COL7A1: variants seen among roughly 807,000 people sequenced by gnomAD.
COL7A1 encodes collagen type VII alpha 1 chain.
COL7A1 carries 296 observed loss-of-function variants against 456.2 expected under a neutral mutation model. The observed-to-expected ratio is 0.65, with a 90% CI of 0.59 to 0.71. The LOEUF (loss-of-function observed/expected upper bound fraction) is 0.71, where lower values mean the gene tolerates loss of function less well. Among genes scored for constraint, COL7A1 ranks in the 30% least tolerant of loss-of-function variants. COL7A1 has a pLI of 0.00. For synonymous variants in COL7A1, 1,464 were observed against 1,525.9 expected (o/e 0.96, Z 0.95); for missense variants, 3,441 against 4,017.2 (o/e 0.86, Z 3.88).
At position 48,572,763 on chromosome 3, in the gene COL7A1, C is replaced by T. The variant is rs776255321; in HGVS notation, c.6832-24G>A. 2.5e-6 allele frequency: 4 copies of T among 1,610,916 alleles called. No individual in the cohort carries two copies. Among genetic ancestry groups the T allele is most frequent in the East Asian group, 4.5e-5 (2 of 44,716 alleles). The stretch of plus-strand genomic sequence containing the variant: ...CCCTATGGCAGAGCAGCGTGAGGAA[C>T]TCAGTGCCTCTCCACCACCACCCCT... On this transcript the variant is annotated intron_variant, in intron 87 of 118. Coordinates refer to ENST00000681320, the MANE Select transcript of COL7A1 (RefSeq NM_000094.4). The surrounding 1 kb of genome is among the most constrained non-coding windows in gnomAD (Gnocchi z 4.6).
Position 48,573,773 on chromosome 3 carries a change from A to C in COL7A1, c.6538-48T>G. 2 of 1,613,844 alleles carry C rather than the reference A, an allele frequency of 1.2e-6. No homozygotes were observed. The highest frequency in any genetic ancestry group is 1.7e-6 in the Non-Finnish European group (2 of 1,179,936). ...GATGAGGGGGAGTTAGCCGCACCCC[A>C]CCAAGGAAACTGAGGCAGTACTGGT... On this transcript the variant is annotated intron_variant, in intron 81 of 118. Coordinates refer to ENST00000681320, the MANE Select transcript of COL7A1 (RefSeq NM_000094.4). This position sits in a 1 kb window ranked among gnomAD's most constrained non-coding sequence, Gnocchi z 5.5.
intron 65 of COL7A1, 142 bp from the exon 66 acceptor site, chr3:48,577,169 G>A (rs2044370079): frequency 8.4e-7 from 1 of 1,189,238 alleles, no homozygotes; most frequent in Non-Finnish European, 1.2e-6. Context: ...CATGGCCTGT[G>A]GCCGTCTGAG....
Position 48,580,507 on chromosome 3 carries a change from G to A in COL7A1, c.5052+74C>T. The stretch of plus-strand genomic sequence containing the variant: ...AGGGTTTAGCATTACAGGGTTGGGG[G>A]GTAGGATCAGGTATTGGGAATTGGC... On this transcript the variant is annotated intron_variant, in intron 55 of 118. Coordinates refer to ENST00000681320, the MANE Select transcript of COL7A1 (RefSeq NM_000094.4). The surrounding 1 kb of genome is among the most constrained non-coding windows in gnomAD (Gnocchi z 4.5). 1 of 1,536,348 alleles carries A rather than the reference G, an allele frequency of 6.5e-7. No homozygotes were observed. The highest frequency in any genetic ancestry group is 1.7e-5 in the Admixed American group (1 of 57,634).
Position 48,587,340 on chromosome 3 carries a change from C to A in COL7A1, c.2993-4G>T, listed in dbSNP as rs755862446. The A allele has an allele frequency of 6.2e-7, 1 of 1,606,932 alleles. No homozygotes were observed. The highest frequency in any genetic ancestry group is 8.5e-7 in the Non-Finnish European group (1 of 1,176,782). On this transcript the variant is annotated splice_region_variant and splice_polypyrimidine_tract_variant and intron_variant, in intron 23 of 118. Transcript: ENST00000681320. This position sits in a 1 kb window ranked among gnomAD's most constrained non-coding sequence, Gnocchi z 6.1. ...GTCTGCGGGGACCCAGGCACTTCTG[C>A]AGGAGACAGAACTTGATTAAAAAGC... is the stretch of plus-strand genomic sequence containing the variant.
chr3:48,570,031 G>T lies in COL7A1; in HGVS notation c.7485+103C>A. 1.3e-6 allele frequency: 2 copies of T among 1,591,478 alleles called. No homozygotes were observed. The highest frequency in any genetic ancestry group is 2.2e-5 in the South Asian group (2 of 90,484). On this transcript the variant is annotated intron_variant, in intron 99 of 118. Coordinates refer to ENST00000681320, the MANE Select transcript of COL7A1 (RefSeq NM_000094.4). The surrounding 1 kb of genome is among the most constrained non-coding windows in gnomAD (Gnocchi z 5.5). ...GACAAAGGGGACAGGGGTAGACGAG[G>T]AGGGCCAGAGGGCTAGGGAGGATGG...
At position 48,569,854 on chromosome 3, in the gene COL7A1, T is replaced by C. The variant is rs1267540067; in HGVS notation, c.7521+26A>G. 10 of 1,614,146 alleles carry C rather than the reference T, an allele frequency of 6.2e-6. No individual in the cohort carries two copies. Among genetic ancestry groups the C allele is most frequent in the Non-Finnish European group, 8.5e-6 (10 of 1,180,012 alleles). On this transcript the variant is annotated intron_variant, in intron 100 of 118. Transcript: ENST00000681320. This position sits in a 1 kb window ranked among gnomAD's most constrained non-coding sequence, Gnocchi z 4.9. ...CAAGATCCACTCACCCCCCCACTCA[T>C]GCCAGGACCTTCCCCACGTTCCTAC...
chr3:48,588,718 T>TCCA lies in COL7A1; in HGVS notation c.2508_2510dup (p.Gly837dup). On this transcript the variant is annotated inframe_insertion, in exon 20 of 119. Coordinates refer to ENST00000681320, the MANE Select transcript of COL7A1 (RefSeq NM_000094.4). The surrounding 1 kb of genome is among the most constrained non-coding windows in gnomAD (Gnocchi z 4.6). ...CAGTCACTCGCACTGAGTAGCTGAC[T>TCCA]CCACCTTCGAGACCCCGGATCTCTG... 6.2e-7 allele frequency: 1 copy of TCCA among 1,613,914 alleles called. No homozygotes were observed. The highest frequency in any genetic ancestry group is 8.5e-7 in the Non-Finnish European group (1 of 1,180,048).
rs1319601204 is a variant in COL7A1 at position 48,588,325 on chromosome 3, C to T, written c.2667G>A (p.Pro889=). 1.2e-5 allele frequency: 20 copies of T among 1,612,740 alleles called. No homozygotes were observed. Among genetic ancestry groups the T allele is most frequent in the East Asian group, 6.7e-5 (3 of 44,888 alleles). The change falls in exon 21 of 119, where the codon CCG becomes CCA. Residue 889 remains proline, a synonymous_variant. Coordinates refer to ENST00000681320, the MANE Select transcript of COL7A1 (RefSeq NM_000094.4). The surrounding 1 kb of genome is among the most constrained non-coding windows in gnomAD (Gnocchi z 4.6). ...GEHSLRLRWE[P]VPRAQGFLLH... ...GAAGGAAGCCCTGCGCTCTGGGCACCGGCTCCCAGCGCAGCCTCAGCGAGT... is the reference window on the plus strand; with the variant it reads ...GAAGGAAGCCCTGCGCTCTGGGCACTGGCTCCCAGCGCAGCCTCAGCGAGT...
In COL7A1 at chr3:48,579,969, A is replaced by T; in HGVS notation, c.5124+62T>A. 2 of 1,611,650 alleles carry T rather than the reference A, an allele frequency of 1.2e-6. No homozygotes were observed. The highest frequency in any genetic ancestry group is 1.7e-6 in the Non-Finnish European group (2 of 1,177,854). On this transcript the variant is annotated intron_variant, in intron 57 of 118. Coordinates refer to ENST00000681320, the MANE Select transcript of COL7A1 (RefSeq NM_000094.4). This position sits in a 1 kb window ranked among gnomAD's most constrained non-coding sequence, Gnocchi z 4.4. ...TTAGTGGAAGGAATGAGGGGACATG[A>T]TGTGGAGCCAAAGGGGCAAGTGAGA...
At position 48,587,529 on chromosome 3, in the gene COL7A1, T is replaced by G; in HGVS notation, c.2883A>C (p.Glu961Asp). ...CGATCGAGGTGTCCACCACACGTAG[T>G]TCAATGCTTGGAACACGAGGTGACT... The part of the protein sequence containing the change: ...RTESPRVPSI[E>D]LRVVDTSIDS... The change falls in exon 23 of 119, where the codon GAA becomes GAC. Residue 961 changes from glutamate to aspartate, a missense_variant. This residue lies in a region of COL7A1 where 444 missense variants were observed against 427.6 expected (regional missense o/e 1.04). Transcript: ENST00000681320. The surrounding 1 kb of genome is among the most constrained non-coding windows in gnomAD (Gnocchi z 6.1). The G allele has an allele frequency of 3.7e-6, 6 of 1,613,492 alleles. No homozygotes were observed. Among genetic ancestry groups the G allele is most frequent in the Non-Finnish European group, 5.1e-6 (6 of 1,180,012 alleles).
Position 48,586,891 on chromosome 3 carries a change from T to C in COL7A1, c.3276+81A>G. The C allele has an allele frequency of 6.5e-7, 1 of 1,543,782 alleles. No homozygotes were observed. The stretch of plus-strand genomic sequence containing the variant: ...TGGGAGAATGCCTGAACCTATTGGG[T>C]GGTCAGGAGATGGTAACTGGTATGG... On this transcript the variant is annotated intron_variant, in intron 25 of 118. Transcript: ENST00000681320. This position sits in a 1 kb window ranked among gnomAD's most constrained non-coding sequence, Gnocchi z 5.1.
At position 48,588,089 on chromosome 3, in the gene COL7A1, G is replaced by T; in HGVS notation, c.2711-150C>A. On this transcript the variant is annotated intron_variant, in intron 21 of 118. Transcript: ENST00000681320. The surrounding 1 kb of genome is among the most constrained non-coding windows in gnomAD (Gnocchi z 4.6). ...CCTCACTGACCCTGCCCACTTTACGGACCCTGCCAGACTGACCCTCCATGA... is the reference window on the plus strand; with the variant it reads ...CCTCACTGACCCTGCCCACTTTACGTACCCTGCCAGACTGACCCTCCATGA... 7.7e-7 allele frequency: 1 copy of T among 1,293,840 alleles called. No individual in the cohort carries two copies. The highest frequency in any genetic ancestry group is 1.1e-6 in the Non-Finnish European group (1 of 935,828). 80.1% of individuals were successfully genotyped at this position (1,293,840 alleles called of 1,614,324 possible).
In COL7A1 at chr3:48,570,652, G is replaced by A. The variant is rs999211778; in HGVS notation, c.7331C>T (p.Pro2444Leu). ...GIPGPLGPPGPPGSVGPPGAS... is the reference protein window; with the variant it reads ...GIPGPLGPPGLPGSVGPPGAS... ...ACCTCTACTCACCACTGACCCCGGT[G>A]GTCCAGGTGGCCCCAGGGGTCCTGG... is the stretch of plus-strand genomic sequence containing the variant. Residue 2444 changes from proline (P) to leucine (L), a missense_variant, in exon 96 of 119, where the codon CCA becomes CTA. This residue lies in a region of COL7A1 where 2,084 missense variants were observed against 2,501.3 expected (regional missense o/e 0.83). Coordinates refer to ENST00000681320, the MANE Select transcript of COL7A1 (RefSeq NM_000094.4). This position sits in a 1 kb window ranked among gnomAD's most constrained non-coding sequence, Gnocchi z 5.5. The A allele has an allele frequency of 2.5e-6, 4 of 1,599,592 alleles. No individual in the cohort carries two copies. The African/African-American group carries it at 5.4e-5, about 21-fold the overall frequency.
rs1315419095 is a variant in COL7A1 at position 48,572,778 on chromosome 3, C to T, written c.6832-39G>A. 2 of 1,611,762 alleles carry T rather than the reference C, an allele frequency of 1.2e-6. No individual in the cohort carries two copies. Among genetic ancestry groups the T allele is most frequent in the African/African-American group, 1.3e-5 (1 of 74,910 alleles). ...GCGTGAGGAACTCAGTGCCTCTCCACCACCACCCCTGCTGCCCCACTCCTC... is the reference window on the plus strand; with the variant it reads ...GCGTGAGGAACTCAGTGCCTCTCCATCACCACCCCTGCTGCCCCACTCCTC... On this transcript the variant is annotated intron_variant, in intron 87 of 118. Coordinates refer to ENST00000681320, the MANE Select transcript of COL7A1 (RefSeq NM_000094.4). This position sits in a 1 kb window ranked among gnomAD's most constrained non-coding sequence, Gnocchi z 4.6.
rs757267688 is a variant in COL7A1, at chr3:48,583,854, C to T, written c.4278+46G>A. ...ACCCAACCACTGCCCCAGGAGAGACCCACACCCCTGAGCAGGGCCCCCAGC... is the reference window on the plus strand; with the variant it reads ...ACCCAACCACTGCCCCAGGAGAGACTCACACCCCTGAGCAGGGCCCCCAGC... On this transcript the variant is annotated intron_variant, in intron 39 of 118. Transcript: ENST00000681320. This position sits in a 1 kb window ranked among gnomAD's most constrained non-coding sequence, Gnocchi z 5.1. 6.2e-7 allele frequency: 1 copy of T among 1,613,490 alleles called. No homozygotes were observed.
At position 48,585,127 on chromosome 3, in the gene COL7A1, GA is replaced by G. The variant is rs2045148022; in HGVS notation, c.3895-12del. The G allele has an allele frequency of 6.2e-7, 1 of 1,610,468 alleles. No individual in the cohort carries two copies. Among genetic ancestry groups the G allele is most frequent in the African/African-American group, 1.3e-5 (1 of 74,980 alleles). ...TGCTCCAGGGAAGCCCTGAGGAGGT[GA>G]AGAGGTCAGGACAGGAAGGGACCCT... On this transcript the variant is annotated splice_polypyrimidine_tract_variant and intron_variant, in intron 32 of 118. Transcript: ENST00000681320. This position sits in a 1 kb window ranked among gnomAD's most constrained non-coding sequence, Gnocchi z 4.5.
chr3:48,579,048 A>G lies in COL7A1; in HGVS notation c.5389-94T>C. On this transcript the variant is annotated intron_variant, in intron 62 of 118. Coordinates refer to ENST00000681320, the MANE Select transcript of COL7A1 (RefSeq NM_000094.4). This position sits in a 1 kb window ranked among gnomAD's most constrained non-coding sequence, Gnocchi z 4.4. Reference sequence around the variant, plus strand: ...GGCCTGCATGGCAAGAACATGCCCCACCCAGGCAGGGCTCTGGGAGAAGAC... The same window carrying G: ...GGCCTGCATGGCAAGAACATGCCCCGCCCAGGCAGGGCTCTGGGAGAAGAC... 1 of 1,568,540 alleles carries G rather than the reference A, an allele frequency of 6.4e-7. No individual in the cohort carries two copies.
At position 48,593,028 on chromosome 3, in the gene COL7A1, T is replaced by C; in HGVS notation, c.682+74A>G. The C allele has an allele frequency of 1.2e-6, 2 of 1,612,842 alleles. No homozygotes were observed. The highest frequency in any genetic ancestry group is 1.7e-6 in the Non-Finnish European group (2 of 1,179,436). On this transcript the variant is annotated intron_variant, in intron 6 of 118. Coordinates refer to ENST00000681320, the MANE Select transcript of COL7A1 (RefSeq NM_000094.4). The surrounding 1 kb of genome is among the most constrained non-coding windows in gnomAD (Gnocchi z 4.4). ...GGGTCGGGGTCAGGAGCACATAGGATGGAATCAGCACTGCCAAGTGGGGAT... is the reference window on the plus strand; with the variant it reads ...GGGTCGGGGTCAGGAGCACATAGGACGGAATCAGCACTGCCAAGTGGGGAT...
Position 48,594,241 on chromosome 3 carries a change from G to C in COL7A1, c.266+127C>G. ...CTCCAAAGGAGGTCCTGGCTAGGGG[G>C]TCTCTAGGTTCCCCAAAACTTGTTT... On this transcript the variant is annotated intron_variant, in intron 3 of 118. Coordinates refer to ENST00000681320, the MANE Select transcript of COL7A1 (RefSeq NM_000094.4). The surrounding 1 kb of genome is among the most constrained non-coding windows in gnomAD (Gnocchi z 5.5). The C allele has an allele frequency of 9.2e-7, 1 of 1,092,672 alleles. No homozygotes were observed. Among genetic ancestry groups the C allele is most frequent in the Non-Finnish European group, 1.3e-6 (1 of 748,476 alleles). 67.7% of individuals were successfully genotyped at this position (1,092,672 alleles called of 1,614,324 possible). A position where few individuals can be genotyped will look rare whatever the true frequency, so the allele number is the denominator to read the frequency against.
Sources: gnomAD v4.1 joint callset for allele counts on GRCh38, gnomAD v4.1.1 for gene constraint, gnomAD v4.1.1 regional missense constraint, Gnocchi (gnomAD v3.1) non-coding constraint, MANE v1.5 for transcripts, NCBI Gene and HGNC (gene_info 2026-07-23, HGNC 2026-07-21) for gene names.